The following PTPRD variants were observed in gnomAD, a reference collection of about 807,000 sequenced individuals.
PTPRD encodes the protein receptor-type tyrosine-protein phosphatase delta.
A neutral mutation model predicts 214.5 loss-of-function variants in PTPRD; 34 were observed. The ratio of observed to expected loss-of-function variants is 0.16; its 90% CI spans 0.12 to 0.21. The LOEUF is 0.21. Among genes scored for constraint, PTPRD ranks in the 10% least tolerant of loss-of-function variants. PTPRD has a pLI of 1.00. For synonymous variants in PTPRD, 1,128 were observed against 845.7 expected, an observed-to-expected ratio of 1.33 and a Z score of -5.79; for missense variants, 2,545 against 2,398.7, an observed-to-expected ratio of 1.06 and a Z score of -1.27.
At chr9:8,669,151 C>T (rs1048416068) in intron 12 of PTPRD, among the ~76,000 whole-genome samples, 3 of 152,108 alleles carry the variant, frequency 2.0e-5, no homozygotes, top group African/African-American at 7.2e-5. Context: ...TGCATGTAGG[C>T]AGACAGTGGC....
At chr9:9,930,880 A>C (rs2153924415) in intron 5 of PTPRD, among the ~76,000 whole-genome samples, 1 of 152,200 alleles carries the variant, frequency 6.6e-6, no homozygotes, top group Middle Eastern at 3.4e-3. Flanking sequence ...TCCCTACTCA[A>C]ATTTCTTTCC....
intron 8 of PTPRD, among the ~76,000 whole-genome samples, chr9:9,497,238 G>C (rs113794180): frequency 5.9e-5 from 9 of 152,172 alleles, no homozygotes; most frequent in African/African-American, 2.2e-4. Flanking sequence ...AAATGGTTAG[G>C]ATAGTAACTT....
At chr9:10,560,023 T>C (rs2063511118) in intron 2 of PTPRD, among the ~76,000 whole-genome samples, 1 of 152,108 alleles carries the variant, frequency 6.6e-6, no homozygotes, top group Non-Finnish European at 1.5e-5. Flanking sequence ...GATCTAGAAC[T>C]AGAAATACCA....
chr9:9,860,968 A>G (rs1403082357), intron 5 of PTPRD, among the ~76,000 whole-genome samples: 1 of 152,238 alleles, frequency 6.6e-6, no homozygotes, highest in African/African-American at 2.4e-5. Flanking sequence ...TGTGTATTGG[A>G]TTATTAAAAA....
At chr9:9,645,953 A>G (rs560874448) in intron 7 of PTPRD, among the ~76,000 whole-genome samples, 1 of 152,118 alleles carries the variant, frequency 6.6e-6, no homozygotes, top group South Asian at 2.1e-4. Flanking sequence ...GGTACATATG[A>G]TATTTTAATG....
At chr9:8,845,177 CAAAAACAA>C (rs1198431412) in intron 11 of PTPRD, among the ~76,000 whole-genome samples, 5 of 149,296 alleles carry the variant, frequency 3.3e-5, no homozygotes, top group Non-Finnish European at 7.4e-5. Context: ...GAAAAAAAAA[CAAAAACAA>C]AAAAAAACAC....
intron 7 of PTPRD, among the ~76,000 whole-genome samples, chr9:9,608,390 T>G (rs1404827981): frequency 6.6e-6 from 1 of 152,128 alleles, no homozygotes; most frequent in Non-Finnish European, 1.5e-5. Flanking sequence ...GTACTAAAAG[T>G]TTTTAAATCT....
chr9:9,104,364 A>AT (rs1218533829), intron 10 of PTPRD, among the ~76,000 whole-genome samples: 1 of 152,208 alleles, frequency 6.6e-6, no homozygotes, highest in Admixed American at 6.5e-5. Context: ...TATGGGCTCT[A>AT]TAAAAACAGA....
intron 9 of PTPRD, among the ~76,000 whole-genome samples, chr9:9,291,888 G>GTATATA (rs141504829): frequency 6.3e-5 from 9 of 143,436 alleles, no homozygotes; most frequent in Non-Finnish European, 7.7e-5. Context: ...TGTGTGTATG[G>GTATATA]TATATATATA....
At chr9:9,569,086 T>G (rs2085511545) in intron 8 of PTPRD, among the ~76,000 whole-genome samples, 1 of 151,726 alleles carries the variant, frequency 6.6e-6, no homozygotes, top group Non-Finnish European at 1.5e-5. Flanking sequence ...TATACAGAGT[T>G]TAAAGTCAAT....
At chr9:8,812,294 A>G (rs1202264289) in intron 11 of PTPRD, among the ~76,000 whole-genome samples, 1 of 152,212 alleles carries the variant, frequency 6.6e-6, no homozygotes, top group Non-Finnish European at 1.5e-5. Flanking sequence ...ACATGTATAC[A>G]TATATATTTT....
At chr9:10,188,320 G>C (rs1007461607) in intron 3 of PTPRD, among the ~76,000 whole-genome samples, 1 of 152,066 alleles carries the variant, frequency 6.6e-6, no homozygotes, top group African/African-American at 2.4e-5. Context: ...TTAATACTCT[G>C]TTTAATCTTA....
intron 9 of PTPRD, among the ~76,000 whole-genome samples, chr9:9,257,705 GC>G (rs1348572406): frequency 2.0e-5 from 3 of 151,842 alleles, no homozygotes; most frequent in Non-Finnish European, 4.4e-5. Context: ...GATTGGTTAA[GC>G]CCAGGAGTAC....
chr9:9,689,188 T>C (rs1315962838), intron 7 of PTPRD, among the ~76,000 whole-genome samples: 1 of 151,860 alleles, frequency 6.6e-6, no homozygotes, highest in South Asian at 2.1e-4. Context: ...CAGAGACTAC[T>C]TATTTAGCTT....
At chr9:8,899,606 G>A (rs559808239) in intron 11 of PTPRD, among the ~76,000 whole-genome samples, 1 of 152,190 alleles carries the variant, frequency 6.6e-6, no homozygotes, top group Non-Finnish European at 1.5e-5. Flanking sequence ...ATGGCAAGGA[G>A]CAGTTGTGGG....
chr9:8,451,059 T>C (rs1369381593), intron 33 of PTPRD, among the ~76,000 whole-genome samples: 1 of 152,204 alleles, frequency 6.6e-6, no homozygotes, highest in East Asian at 1.9e-4. Flanking sequence ...CAGGTCGTTC[T>C]ATGGTTAGCC....
At chr9:9,235,256 T>G (rs1053139363) in intron 9 of PTPRD, among the ~76,000 whole-genome samples, 2 of 152,148 alleles carry the variant, frequency 1.3e-5, no homozygotes, top group African/African-American at 4.8e-5. Flanking sequence ...GCTCCATGAT[T>G]CAATTACTTC....
intron 3 of PTPRD, among the ~76,000 whole-genome samples, chr9:10,143,875 T>C (rs2154269698): frequency 6.6e-6 from 1 of 152,000 alleles, no homozygotes; most frequent in African/African-American, 2.4e-5. Flanking sequence ...AAAGTAAAGA[T>C]GGAAAGAGAC....
intron 2 of PTPRD, among the ~76,000 whole-genome samples, chr9:10,576,175 A>G (rs919279029): frequency 2.0e-5 from 3 of 152,306 alleles, no homozygotes; most frequent in East Asian, 3.9e-4. Flanking sequence ...CCTAAAGGCT[A>G]TCAGTAAAAT....
Sources: allele counts gnomAD v4.1 joint callset (sites outside exome capture counted in the v4.1 genomes callset), GRCh38; gene constraint gnomAD v4.1.1; transcripts MANE v1.5; gene names NCBI Gene and HGNC (gene_info 2026-07-23, HGNC 2026-07-21).